Variants in CDC42BPB observed in about 807,000 individuals in gnomAD.
CDC42BPB encodes the protein serine/threonine-protein kinase MRCK beta.
A neutral mutation model predicts 214.9 loss-of-function variants in CDC42BPB; 37 were observed. That is an observed-to-expected ratio of 0.17 (90% confidence interval 0.13 to 0.23). The LOEUF is 0.23. Ranked by LOEUF, CDC42BPB falls within the 10% of genes least tolerant of loss-of-function variation. CDC42BPB has a pLI of 1.00. For synonymous variants in CDC42BPB, 931 were observed against 884.0 expected, an observed-to-expected ratio of 1.05 and a Z score of -0.94; for missense variants, 1,694 against 2,227.0, an observed-to-expected ratio of 0.76 and a Z score of 4.82.
intron 36 of CDC42BPB, among the ~76,000 whole-genome samples, chr14:102,937,626 C>T (rs1891698710): frequency 6.6e-6 from 1 of 152,212 alleles, no homozygotes; most frequent in African/African-American, 2.4e-5. Context: ...ACAGGGGAAA[C>T]TGAGGCCAGA....
At chr14:103,022,518 G>A (rs763871580) in intron 1 of CDC42BPB, among the ~76,000 whole-genome samples, 22 of 152,216 alleles carry the variant, frequency 1.4e-4, no homozygotes, top group East Asian at 1.2e-3. Flanking sequence ...CACCACGCCC[G>A]GGAGATGTTT....
At chr14:102,945,109 C>T in intron 29 of CDC42BPB, 1 of 376,848 alleles carries the variant, frequency 2.7e-6, no homozygotes, top group Admixed American at 3.1e-5. Context: ...GCTGCCCCGC[C>T]CTTCTCGCTC....
At chr14:102,958,627 C>G in intron 21 of CDC42BPB, among the ~76,000 whole-genome samples, 1 of 151,928 alleles carries the variant, frequency 6.6e-6, no homozygotes, top group Non-Finnish European at 1.5e-5. Context: ...TGGAGGGAGG[C>G]AGTGGGGTCT....
chr14:103,042,636 A>G (rs1888070229), intron 1 of CDC42BPB, among the ~76,000 whole-genome samples: 1 of 152,212 alleles, frequency 6.6e-6, no homozygotes, highest in South Asian at 2.1e-4. Context: ...TTAAATGAGT[A>G]AAGAACTTGA....
Position 103,008,583 on chromosome 14 carries a change from GA to G in CDC42BPB, c.268-29del, listed in dbSNP as rs765396036. On this transcript the variant is annotated intron_variant, in intron 2 of 36. Coordinates refer to ENST00000361246, the MANE Select transcript of CDC42BPB (RefSeq NM_006035.4). ...GCAGTGCAAATGTGAGTTGAACAAAGATGCGGTTCTTGAACAAAAGGCTAGC... is the reference window on the plus strand; with the variant it reads ...GCAGTGCAAATGTGAGTTGAACAAAGTGCGGTTCTTGAACAAAAGGCTAGC... 5.0e-6 allele frequency: 8 copies of G among 1,590,902 alleles called. No homozygotes were observed. The South Asian group carries it at 8.8e-5, about 18-fold the overall frequency.
intron 1 of CDC42BPB, among the ~76,000 whole-genome samples, chr14:103,038,941 A>T (rs916906073): frequency 2.6e-5 from 4 of 152,210 alleles, no homozygotes; most frequent in Non-Finnish European, 4.4e-5. Context: ...AAATAAAAGA[A>T]GGGACACTAC....
At chr14:102,976,150 G>C in intron 9 of CDC42BPB, 101 bp from the exon 10 acceptor site, 1 of 1,518,394 alleles carries the variant, frequency 6.6e-7, no homozygotes, top group Middle Eastern at 2.0e-4. Context: ...TTTTAAATCA[G>C]CAAACAAAAA....
At chr14:102,959,046 C>CA (rs1351595146) in intron 21 of CDC42BPB, among the ~76,000 whole-genome samples, 2 of 151,756 alleles carry the variant, frequency 1.3e-5, no homozygotes, top group Non-Finnish European at 2.9e-5. Context: ...CCTGTAATCC[C>CA]AGCACTCTGG....
chr14:103,048,789 A>G (rs1888446959), intron 1 of CDC42BPB, among the ~76,000 whole-genome samples: 1 of 148,298 alleles, frequency 6.7e-6, no homozygotes, highest in African/African-American at 2.5e-5. Flanking sequence ...CAGGAGAATC[A>G]CTTGAACCCG....
At chr14:102,973,665 C>T (rs1893590722) in intron 12 of CDC42BPB, among the ~76,000 whole-genome samples, 1 of 150,736 alleles carries the variant, frequency 6.6e-6, no homozygotes, top group Admixed American at 6.6e-5. Flanking sequence ...TGCACGGCCA[C>T]CATGCCCTAT....
chr14:103,008,776 A>G, intron 2 of CDC42BPB: 4 of 675,580 alleles, frequency 5.9e-6, no homozygotes, highest in Non-Finnish European at 7.3e-6. Context: ...TCACTCCTGC[A>G]AATTCACCCC....
intron 1 of CDC42BPB, among the ~76,000 whole-genome samples, chr14:103,036,862 G>A (rs1450839595): frequency 6.6e-6 from 1 of 152,128 alleles, no homozygotes; most frequent in Non-Finnish European, 1.5e-5. Context: ...TGTCGCCCAG[G>A]CTGCAGTACA....
At chr14:102,940,635 T>A in intron 30 of CDC42BPB, 1 of 490,472 alleles carries the variant, frequency 2.0e-6, no homozygotes, top group Non-Finnish European at 3.4e-6. Flanking sequence ...TGAGATGTGA[T>A]TATCCTGAAA....
At chr14:103,008,850 T>C (rs1885994969) in intron 2 of CDC42BPB, 3 of 163,906 alleles carry the variant, frequency 1.8e-5, no homozygotes, top group South Asian at 4.0e-4. Flanking sequence ...GAGACACCTA[T>C]GAGGACCCAT....
intron 12 of CDC42BPB, among the ~76,000 whole-genome samples, chr14:102,973,139 C>A (rs1430304435): frequency 6.6e-6 from 1 of 152,206 alleles, no homozygotes; most frequent in African/African-American, 2.4e-5. Context: ...GGGCAGCTCC[C>A]ACACGTGAAG....
rs148553190 is a variant in CDC42BPB, at chr14:103,031,763, G to C, written c.176-19575C>G. Reference sequence around the variant, plus strand: ...GCAGGTAGAATGCCCAACCCGTCTGGCTTCTAAGGGCTGGATTCCGGAAAC... The same window carrying C: ...GCAGGTAGAATGCCCAACCCGTCTGCCTTCTAAGGGCTGGATTCCGGAAAC... On this transcript the variant is annotated intron_variant, in intron 1 of 36. Coordinates refer to ENST00000361246, the MANE Select transcript of CDC42BPB (RefSeq NM_006035.4). 4.5e-4 allele frequency among the ~76,000 whole-genome samples: 69 copies of C among 152,228 alleles called. 1 individual carries two copies. The East Asian group carries it at 0.011, about 25-fold the overall frequency.
chr14:102,960,490 C>T (rs1054872426), intron 20 of CDC42BPB, among the ~76,000 whole-genome samples: 2 of 152,048 alleles, frequency 1.3e-5, no homozygotes, highest in Admixed American at 1.3e-4. Context: ...TGCATGGTGG[C>T]ATGTGCCTGT....
intron 1 of CDC42BPB, among the ~76,000 whole-genome samples, chr14:103,034,077 G>C (rs1273470803): frequency 6.6e-6 from 1 of 152,100 alleles, no homozygotes; most frequent in Non-Finnish European, 1.5e-5. Context: ...CAGGCCCTTT[G>C]GACTGACTGG....
chr14:103,019,326 T>C (rs916851278), intron 1 of CDC42BPB, among the ~76,000 whole-genome samples: 6 of 152,278 alleles, frequency 3.9e-5, no homozygotes, highest in African/African-American at 1.4e-4. Flanking sequence ...AGGCTCCAAG[T>C]TGCAGCAACT....
Sources: gnomAD v4.1 joint callset for allele counts (sites outside exome capture counted in the v4.1 genomes callset) on GRCh38, gnomAD v4.1.1 for gene constraint, MANE v1.5 for transcripts, NCBI Gene and HGNC (gene_info 2026-07-23, HGNC 2026-07-21) for gene names.